The following MGAT4C variants were observed in gnomAD, a reference collection of about 807,000 sequenced individuals.
The protein encoded by MGAT4C is MGAT4 family member C, also known as alpha-1,3-mannosyl-glycoprotein 4-beta-N-acetylglucosaminyltransferase C.
In MGAT4C, 19 loss-of-function variants were observed where a neutral mutation model predicts 40.1. That is an observed-to-expected ratio of 0.47 (90% CI 0.33 to 0.70). The LOEUF (loss-of-function observed/expected upper bound fraction) is 0.70. MGAT4C is among the 30% of genes least tolerant of loss of function. The pLI is 0.02. For synonymous variants in MGAT4C, 181 were observed against 187.1 expected, an observed-to-expected ratio of 0.97 and a Z score of 0.27; for missense variants, 491 against 563.2, an observed-to-expected ratio of 0.87 and a Z score of 1.30.
intron 1 of MGAT4C, chr12:86,068,541 G>T (rs1242274604): frequency 6.8e-6 from 1 of 148,050 alleles, no homozygotes; most frequent in Non-Finnish European, 1.5e-5. Context: ...AGATAAATAT[G>T]AATATAAATA....
intron 1 of MGAT4C, among the ~76,000 whole-genome samples, chr12:86,060,019 G>C (rs1893784501): frequency 6.6e-6 from 1 of 152,154 alleles, no homozygotes; most frequent in Non-Finnish European, 1.5e-5. Flanking sequence ...TTCTTGGAGG[G>C]AGAGAGGGAA....
chr12:86,184,831 T>C (rs1425417417), intron 1 of MGAT4C, among the ~76,000 whole-genome samples: 1 of 150,922 alleles, frequency 6.6e-6, no homozygotes, highest in East Asian at 2.0e-4. Flanking sequence ...CCAAACAGAA[T>C]GCAGTAATTT....
intron 2 of MGAT4C, among the ~76,000 whole-genome samples, chr12:86,589,789 A>G (rs982103573): frequency 6.6e-6 from 1 of 151,936 alleles, no homozygotes; most frequent in Non-Finnish European, 1.5e-5. Context: ...TATAAACAGA[A>G]CCCAAGACAA....
At chr12:86,742,618 C>A (rs1951085278) in intron 1 of MGAT4C, among the ~76,000 whole-genome samples, 3 of 151,292 alleles carry the variant, frequency 2.0e-5, no homozygotes, top group African/African-American at 7.3e-5. Context: ...GATTAGTGGA[C>A]CTGAAGACTA....
At chr12:86,388,955 A>G (rs569845318) in intron 3 of MGAT4C, among the ~76,000 whole-genome samples, 2 of 152,232 alleles carry the variant, frequency 1.3e-5, no homozygotes, top group Admixed American at 1.3e-4. Flanking sequence ...AAGTGCTGAG[A>G]TTACAGGCCT....
chr12:86,565,423 C>T (rs978461241), intron 2 of MGAT4C, among the ~76,000 whole-genome samples: 2 of 152,190 alleles, frequency 1.3e-5, no homozygotes, highest in Admixed American at 1.3e-4. Flanking sequence ...GGTATGCAGG[C>T]ATTACCTGAA....
intron 3 of MGAT4C, among the ~76,000 whole-genome samples, chr12:86,416,728 G>T (rs1038493675): frequency 6.6e-5 from 10 of 151,968 alleles, no homozygotes; most frequent in African/African-American, 2.2e-4. Flanking sequence ...TTAGGAAAAG[G>T]ACTAAACAAG....
intron 1 of MGAT4C, among the ~76,000 whole-genome samples, chr12:86,147,023 T>TC (rs1255860337): frequency 2.0e-5 from 3 of 152,172 alleles, no homozygotes; most frequent in Non-Finnish European, 4.4e-5. Flanking sequence ...TTGGATGGAT[T>TC]CTTTCTTGTC....
chr12:86,150,745 G>A (rs142890112), intron 1 of MGAT4C, among the ~76,000 whole-genome samples: 3 of 152,254 alleles, frequency 2.0e-5, no homozygotes, highest in Non-Finnish European at 4.4e-5. Context: ...GTTTATCACA[G>A]AGAAAATAGA....
intron 3 of MGAT4C, among the ~76,000 whole-genome samples, chr12:86,430,370 T>C (rs1957010625): frequency 6.6e-6 from 1 of 151,044 alleles, no homozygotes; most frequent in South Asian, 2.1e-4. Context: ...TTTGAGGGAA[T>C]AGTCCCCTCT....
intron 1 of MGAT4C, among the ~76,000 whole-genome samples, chr12:86,072,944 G>A (rs903815841): frequency 1.3e-5 from 2 of 152,068 alleles, no homozygotes; most frequent in South Asian, 2.1e-4. Flanking sequence ...TGGAACACAC[G>A]AGAGGACTAG....
rs976377960 is a variant in MGAT4C, at chr12:86,137,601, G to A, written c.-56-87878C>T. ...TTCTTTACTCACCTTATACGCTCAA[G>A]AAAAGTATTTAACAAAATCGACCAT... On this transcript the variant is annotated intron_variant, in intron 1 of 4. Coordinates refer to ENST00000611864, the MANE Select transcript of MGAT4C (RefSeq NM_001351288.2). 2.0e-5 allele frequency among the ~76,000 whole-genome samples: 3 copies of A among 151,996 alleles called. No individual in the cohort carries two copies. In the South Asian group the frequency reaches 6.3e-4, roughly 32 times the overall value.
At chr12:86,495,678 G>A (rs1051381528) in intron 2 of MGAT4C, among the ~76,000 whole-genome samples, 2 of 152,012 alleles carry the variant, frequency 1.3e-5, no homozygotes, top group South Asian at 2.1e-4. Flanking sequence ...TGGTGAAACC[G>A]GCCTAATTAT....
At chr12:86,058,182 T>C (rs750000964) in intron 1 of MGAT4C, among the ~76,000 whole-genome samples, 8 of 152,134 alleles carry the variant, frequency 5.3e-5, no homozygotes, top group Non-Finnish European at 8.8e-5. Flanking sequence ...ATTATTTTAT[T>C]ACACTCATGC....
chr12:86,389,664 A>G (rs1956130090), intron 3 of MGAT4C, among the ~76,000 whole-genome samples: 1 of 152,200 alleles, frequency 6.6e-6, no homozygotes, highest in Non-Finnish European at 1.5e-5. Context: ...ACAGTGTATA[A>G]CCAGAACTTG....
intron 1 of MGAT4C, among the ~76,000 whole-genome samples, chr12:86,172,400 T>C (rs1344831816): frequency 1.3e-5 from 2 of 152,178 alleles, no homozygotes; most frequent in East Asian, 3.8e-4. Flanking sequence ...TATATTTTTA[T>C]TTCATTTTAA....
rs1884021134 is a variant in MGAT4C, at chr12:85,976,779, T to G, written c.*2510A>C. 1 of 149,570 alleles carries G rather than the reference T, an allele frequency of 6.7e-6. No individual in the cohort carries two copies. The highest frequency in any genetic ancestry group is 6.7e-5 in the Admixed American group (1 of 14,960). The allele number at this position is 149,570 out of a possible 1,614,324, so 9.3% of individuals were successfully genotyped here. Reference sequence around the variant, plus strand: ...ATAGTTAAACCTAATAACTGTACTTTTGTTTCTATGCCTCTGAGACAAGAT... The same window carrying G: ...ATAGTTAAACCTAATAACTGTACTTGTGTTTCTATGCCTCTGAGACAAGAT... On this transcript the variant is annotated 3_prime_UTR_variant, in exon 5 of 5. Transcript: ENST00000611864.
intron 1 of MGAT4C, among the ~76,000 whole-genome samples, chr12:86,086,089 A>G (rs1871772731): frequency 6.6e-6 from 1 of 152,084 alleles, no homozygotes; most frequent in Non-Finnish European, 1.5e-5. Flanking sequence ...ACGCATGTAC[A>G]AGTATGTTTA....
chr12:86,784,658 G>C (rs1951900281), intron 1 of MGAT4C, among the ~76,000 whole-genome samples: 2 of 151,030 alleles, frequency 1.3e-5, no homozygotes, highest in South Asian at 2.1e-4. Flanking sequence ...GAATATCTCA[G>C]TAGGTAAAAG....
Sources: gnomAD v4.1 joint callset for allele counts (sites outside exome capture counted in the v4.1 genomes callset) on GRCh38, gnomAD v4.1.1 for gene constraint, MANE v1.5 for transcripts, NCBI Gene and HGNC (gene_info 2026-07-23, HGNC 2026-07-21) for gene names.